Variants in ARHGEF28 observed in about 807,000 individuals in gnomAD.
ARHGEF28 encodes 190 kDa guanine nucleotide exchange factor.
Under a neutral mutation model 206.6 loss-of-function variants are expected in ARHGEF28, and 152 were observed. The ratio of observed to expected loss-of-function variants is 0.74; its 90% confidence interval spans 0.64 to 0.84. ARHGEF28 has a LOEUF of 0.84. Among genes scored for constraint, ARHGEF28 ranks in the 40% least tolerant of loss-of-function variants. ARHGEF28 has a pLI of 0.00. For synonymous variants in ARHGEF28, 763 were observed against 776.4 expected (o/e 0.98, Z 0.29); for missense variants, 2,028 against 2,073.2 (o/e 0.98, Z 0.42).
At chr5:73,666,242 C>A (rs1157614901) in intron 1 of ARHGEF28, among the ~76,000 whole-genome samples, 1 of 152,220 alleles carries the variant, frequency 6.6e-6, no homozygotes, top group Non-Finnish European at 1.5e-5. Context: ...CCATGTCCCA[C>A]ACCTTTGGCA....
intron 4 of ARHGEF28, among the ~76,000 whole-genome samples, chr5:73,762,995 G>C (rs1015431990): frequency 2.0e-5 from 3 of 152,174 alleles, no homozygotes; most frequent in Non-Finnish European, 2.9e-5. Context: ...ATAAAGTGCT[G>C]AATAAAGGTT....
intron 9 of ARHGEF28, among the ~76,000 whole-genome samples, chr5:73,807,442 C>A (rs78291151): frequency 2.0e-5 from 3 of 151,228 alleles, no homozygotes; most frequent in Non-Finnish European, 4.4e-5. Flanking sequence ...TAGAACATAT[C>A]TGTAGCAATA....
intron 4 of ARHGEF28, among the ~76,000 whole-genome samples, chr5:73,765,816 T>C (rs57189745): frequency 0.057 from 8,745 of 152,182 alleles, 389 homozygotes; most frequent in African/African-American, 0.12. Context: ...CTTATTTTAA[T>C]GAGTTGAATT....
chr5:73,915,434 G>A (rs189295824), intron 35 of ARHGEF28, among the ~76,000 whole-genome samples: 1 of 152,214 alleles, frequency 6.6e-6, no homozygotes, highest in East Asian at 1.9e-4. Flanking sequence ...AAAATTCTTG[G>A]ATGTTCAAAC....
chr5:73,642,369 A>T (rs1744172256), intron 1 of ARHGEF28, among the ~76,000 whole-genome samples: 2 of 152,086 alleles, frequency 1.3e-5, no homozygotes, highest in African/African-American at 4.8e-5. Flanking sequence ...CCTAGAGTTA[A>T]TTGGCTATTT....
intron 1 of ARHGEF28, among the ~76,000 whole-genome samples, chr5:73,675,078 A>G (rs1345448835): frequency 6.6e-6 from 1 of 152,186 alleles, no homozygotes; most frequent in African/African-American, 2.4e-5. Flanking sequence ...AGTTGGTCAG[A>G]GCACAGGTGA....
At chr5:73,683,434 C>T (rs564354266) in intron 1 of ARHGEF28, among the ~76,000 whole-genome samples, 3 of 152,032 alleles carry the variant, frequency 2.0e-5, no homozygotes, top group South Asian at 4.2e-4. Flanking sequence ...ACTCTAGGTA[C>T]CTCATATAAC....
chr5:73,849,178 C>G (rs1419761252), intron 13 of ARHGEF28, 91 bp downstream of exon 13: 2 of 932,392 alleles, frequency 2.1e-6, no homozygotes, highest in Non-Finnish European at 3.2e-6. Context: ...TCAAGAACAG[C>G]AGACAAGAAT....
intron 2 of ARHGEF28, among the ~76,000 whole-genome samples, chr5:73,741,817 ATTTC>A (rs1370018435): frequency 6.6e-6 from 1 of 152,088 alleles, no homozygotes; most frequent in Admixed American, 6.6e-5. Context: ...TATGTTAATT[ATTTC>A]TTTGGGTAAG....
At chr5:73,896,788 C>A (rs898465443) in intron 29 of ARHGEF28, among the ~76,000 whole-genome samples, 3 of 152,236 alleles carry the variant, frequency 2.0e-5, no homozygotes, top group African/African-American at 7.2e-5. Context: ...CTTTCTCCCC[C>A]ACCAAAACTT....
chr5:73,663,326 AC>A (rs1745734554), intron 1 of ARHGEF28, among the ~76,000 whole-genome samples: 1 of 152,182 alleles, frequency 6.6e-6, no homozygotes, highest in Non-Finnish European at 1.5e-5. Flanking sequence ...CTGTTACAGG[AC>A]ATTTAATATC....
At chr5:73,705,341 C>T (rs1748869798) in intron 2 of ARHGEF28, among the ~76,000 whole-genome samples, 1 of 152,226 alleles carries the variant, frequency 6.6e-6, no homozygotes, top group Admixed American at 6.5e-5. Context: ...TGTTCTAGCT[C>T]AGTTTCAACC....
chr5:73,908,619 A>C (rs1053099864), intron 33 of ARHGEF28: 1 of 152,226 alleles, frequency 6.6e-6, no homozygotes, highest in Admixed American at 6.5e-5. Context: ...CAAACTTTTC[A>C]TAGGCAGATA....
chr5:73,868,334 G>A, intron 20 of ARHGEF28, 107 bp downstream of exon 20: 2 of 1,363,120 alleles, frequency 1.5e-6, no homozygotes, highest in East Asian at 5.1e-5. Context: ...CTTTTTCAAA[G>A]AAGTCTGTTT....
intron 16 of ARHGEF28, 104 bp from the exon 17 acceptor site, chr5:73,864,713 T>G (rs1759599233): frequency 1.1e-6 from 1 of 943,460 alleles, no homozygotes; most frequent in Non-Finnish European, 1.6e-6. Flanking sequence ...TTTGTAATGT[T>G]TATGTGTTTT....
intron 35 of ARHGEF28, among the ~76,000 whole-genome samples, chr5:73,928,005 AT>A (rs1222810299): frequency 2.0e-5 from 3 of 152,242 alleles, no homozygotes; most frequent in African/African-American, 7.2e-5. Flanking sequence ...AATTAAAAAA[AT>A]AATGTTTTTC....
intron 11 of ARHGEF28, among the ~76,000 whole-genome samples, chr5:73,841,592 A>G (rs968422674): frequency 6.6e-6 from 1 of 151,740 alleles, no homozygotes; most frequent in Non-Finnish European, 1.5e-5. Context: ...TGTGGTCCTG[A>G]TACTTGGCAG....
At chr5:73,858,642 T>C (rs1281345196) in intron 16 of ARHGEF28, among the ~76,000 whole-genome samples, 1 of 152,104 alleles carries the variant, frequency 6.6e-6, no homozygotes, top group African/African-American at 2.4e-5. Context: ...TCAGAAAACA[T>C]ATAAAACCAG....
chr5:73,939,025 A>T (rs1742393065), intron 35 of ARHGEF28, among the ~76,000 whole-genome samples: 1 of 151,122 alleles, frequency 6.6e-6, no homozygotes, highest in African/African-American at 2.4e-5. Context: ...TTAAACATTG[A>T]GGATCTCTTA....
Sources: gnomAD v4.1 joint callset for allele counts (sites outside exome capture counted in the v4.1 genomes callset) on GRCh38, gnomAD v4.1.1 for gene constraint, MANE v1.5 for transcripts, NCBI Gene and HGNC (gene_info 2026-07-23, HGNC 2026-07-21) for gene names.